Variants in DMRT1 observed in about 807,000 individuals in gnomAD.
DMRT1 encodes doublesex and mab-3 related transcription factor 1.
In DMRT1, 7 loss-of-function variants were observed where a neutral mutation model predicts 32.3. The observed-to-expected ratio is 0.22, with a 90% CI of 0.12 to 0.41. The LOEUF (loss-of-function observed/expected upper bound fraction) is 0.41, where lower values mean the gene tolerates loss of function less well. Among genes scored for constraint, DMRT1 ranks in the 10% least tolerant of loss-of-function variants. DMRT1 has a pLI of 1.00. For synonymous variants in DMRT1, 278 were observed against 206.1 expected (o/e 1.35, Z -2.99); for missense variants, 625 against 500.5 (o/e 1.25, Z -2.37).
chr9:907,860 A>G (rs1817835350), intron 3 of DMRT1, among the ~76,000 whole-genome samples: 3 of 135,592 alleles, frequency 2.2e-5, no homozygotes, highest in African/African-American at 3.2e-5. Context: ...TGTGTGTGTT[A>G]TATGTATATA....
chr9:842,379 C>T (rs903775848), intron 1 of DMRT1, 187 bp downstream of exon 1: 3 of 712,824 alleles, frequency 4.2e-6, no homozygotes, highest in South Asian at 3.9e-5. Flanking sequence ...GGACTACAGG[C>T]GCACACCACC....
chr9:908,471 A>T (rs72699284), intron 3 of DMRT1, among the ~76,000 whole-genome samples: 17 of 122,152 alleles, frequency 1.4e-4, no homozygotes, highest in South Asian at 2.8e-4. Flanking sequence ...ATGTTTTTTT[A>T]AAAAAGACTG....
At chr9:926,756 C>G (rs1171814433) in intron 4 of DMRT1, among the ~76,000 whole-genome samples, 2 of 152,074 alleles carry the variant, frequency 1.3e-5, no homozygotes, top group African/African-American at 4.8e-5. Flanking sequence ...CCTAAATGCT[C>G]TGACATAGCC....
At chr9:870,426 A>G (rs146049125) in intron 2 of DMRT1, among the ~76,000 whole-genome samples, 215 of 152,016 alleles carry the variant, frequency 1.4e-3, no homozygotes, top group African/African-American at 4.9e-3. Context: ...AACAACAACA[A>G]CATAGCTCTG....
intron 2 of DMRT1, among the ~76,000 whole-genome samples, chr9:864,158 G>A (rs932067904): frequency 6.6e-6 from 1 of 151,890 alleles, no homozygotes; most frequent in Non-Finnish European, 1.5e-5. Context: ...GCCATAGAAT[G>A]GCTAAACCAA....
At chr9:873,069 C>G (rs932114641) in intron 2 of DMRT1, among the ~76,000 whole-genome samples, 1 of 152,198 alleles carries the variant, frequency 6.6e-6, no homozygotes, top group Non-Finnish European at 1.5e-5. Context: ...TAACCTTTAA[C>G]CCAGTCAAGG....
chr9:963,276 C>T (rs906604056), intron 4 of DMRT1, among the ~76,000 whole-genome samples: 33 of 152,102 alleles, frequency 2.2e-4, no homozygotes, highest in African/African-American at 8.0e-4. Flanking sequence ...GAGCTAGCCC[C>T]CTTCAAAACC....
At chr9:928,086 T>G (rs758449306) in intron 4 of DMRT1, among the ~76,000 whole-genome samples, 55 of 152,218 alleles carry the variant, frequency 3.6e-4, no homozygotes, top group Admixed American at 1.3e-4. Context: ...TAGTGTTATC[T>G]TGAAAGATGC....
At chr9:878,687 T>A (rs1167912870) in intron 2 of DMRT1, among the ~76,000 whole-genome samples, 1 of 151,916 alleles carries the variant, frequency 6.6e-6, no homozygotes, top group African/African-American at 2.4e-5. Flanking sequence ...TTGTGCGGAG[T>A]TATTTGGTGG....
chr9:911,148 G>A (rs1164833076), intron 3 of DMRT1, among the ~76,000 whole-genome samples: 2 of 152,098 alleles, frequency 1.3e-5, no homozygotes, highest in Non-Finnish European at 2.9e-5. Flanking sequence ...TCTGTGTCCT[G>A]TGGGAATTGT....
chr9:870,709 C>CTTTTT lies in DMRT1; in HGVS notation c.539-23187_539-23183dup, dbSNP rs58893896. 2.2e-4 allele frequency among the ~76,000 whole-genome samples: 15 copies of CTTTTT among 69,560 alleles called. 3 individuals carry two copies. Among genetic ancestry groups the CTTTTT allele is most frequent in the Admixed American group, 4.2e-4 (2 of 4,806 alleles). 45.6% of individuals were successfully genotyped at this position (69,560 alleles called of 152,430 possible). On this transcript the variant is annotated intron_variant, in intron 2 of 4. Coordinates refer to ENST00000382276, the MANE Select transcript of DMRT1 (RefSeq NM_021951.3). ...GTTCCCATATTTCTCATTTTCTTGACTTTTTTTTTTTTTTTTTTTTGAGAC... is the reference window on the plus strand; with the variant it reads ...GTTCCCATATTTCTCATTTTCTTGACTTTTTTTTTTTTTTTTTTTTTTTTTGAGAC...
chr9:852,429 A>T (rs1028075766), intron 2 of DMRT1, among the ~76,000 whole-genome samples: 13 of 146,804 alleles, frequency 8.9e-5, no homozygotes, highest in African/African-American at 3.3e-4. Flanking sequence ...TTATTAGCTG[A>T]CTTAAATCTC....
At chr9:966,028 T>G (rs567396269) in intron 4 of DMRT1, among the ~76,000 whole-genome samples, 1 of 152,288 alleles carries the variant, frequency 6.6e-6, no homozygotes, top group East Asian at 1.9e-4. Flanking sequence ...GGTGGGGACA[T>G]TAACGCACGG....
At chr9:907,866 A>G (rs1187264081) in intron 3 of DMRT1, among the ~76,000 whole-genome samples, 1 of 147,932 alleles carries the variant, frequency 6.8e-6, no homozygotes, top group Non-Finnish European at 1.5e-5. Flanking sequence ...TGTTATATGT[A>G]TATAACACAC....
intron 2 of DMRT1, among the ~76,000 whole-genome samples, chr9:869,052 A>T (rs1190807559): frequency 6.6e-6 from 1 of 152,196 alleles, no homozygotes; most frequent in Admixed American, 6.5e-5. Flanking sequence ...CATCCTTTAT[A>T]TTAGCAGCTT....
intron 3 of DMRT1, chr9:894,460 T>C (rs1234737356): frequency 3.7e-6 from 2 of 534,568 alleles, no homozygotes; most frequent in African/African-American, 3.8e-5. Context: ...AAAGAAATAA[T>C]GTACAAACTT....
chr9:855,740 C>A (rs899964741), intron 2 of DMRT1, among the ~76,000 whole-genome samples: 1 of 152,182 alleles, frequency 6.6e-6, no homozygotes, highest in Non-Finnish European at 1.5e-5. Context: ...CACTTCAGTC[C>A]CCAAGTACCT....
intron 2 of DMRT1, among the ~76,000 whole-genome samples, chr9:873,957 A>G (rs1816386478): frequency 6.6e-6 from 1 of 152,214 alleles, no homozygotes; most frequent in African/African-American, 2.4e-5. Context: ...TTTAACTTGG[A>G]AGTGGAAAGT....
chr9:911,532 G>C (rs560696985), intron 3 of DMRT1, among the ~76,000 whole-genome samples: 1 of 116,290 alleles, frequency 8.6e-6, no homozygotes, highest in Non-Finnish European at 1.6e-5. Flanking sequence ...GCACTCTGTC[G>C]CCCAGGCTGG....
Sources: allele counts gnomAD v4.1 joint callset (sites outside exome capture counted in the v4.1 genomes callset), GRCh38; gene constraint gnomAD v4.1.1; transcripts MANE v1.5; gene names NCBI Gene and HGNC (gene_info 2026-07-23, HGNC 2026-07-21).